KCNQ2: variants seen among roughly 807,000 people sequenced by gnomAD.
KCNQ2 encodes the protein potassium voltage-gated channel subfamily KQT member 2.
A neutral mutation model predicts 84.8 loss-of-function variants in KCNQ2; 14 were observed. That is an observed-to-expected ratio of 0.17 (90% CI 0.11 to 0.26). The LOEUF (loss-of-function observed/expected upper bound fraction) is 0.26, where lower values mean the gene tolerates loss of function less well. KCNQ2 is among the 10% of genes least tolerant of loss of function. KCNQ2 has a pLI of 1.00. For synonymous variants in KCNQ2, 599 were observed against 554.1 expected (o/e 1.08, Z -1.14); for missense variants, 788 against 1,254.0 (o/e 0.63, Z 5.61).
intron 4 of KCNQ2, among the ~76,000 whole-genome samples, chr20:63,442,958 A>G (rs1217350395): frequency 1.6e-5 from 2 of 126,920 alleles, no homozygotes; most frequent in Admixed American, 7.7e-5. Flanking sequence ...CATCATCACC[A>G]TCACCACCAC....
intron 9 of KCNQ2, among the ~76,000 whole-genome samples, chr20:63,431,109 G>T (rs1031240790): frequency 6.6e-6 from 1 of 152,182 alleles, no homozygotes; most frequent in African/African-American, 2.4e-5. Context: ...ATGGGCCCTG[G>T]GAGGGCAGGG....
chr20:63,441,787 G>A (rs1021987953), intron 5 of KCNQ2, among the ~76,000 whole-genome samples: 1 of 152,238 alleles, frequency 6.6e-6, no homozygotes, highest in African/African-American at 2.4e-5. Context: ...AATAACTTCG[G>A]ATCAGCTGCA....
rs1161412580 is a variant in KCNQ2, at chr20:63,460,561, T to G, written c.296+11607A>C. On this transcript the variant is annotated intron_variant, in intron 1 of 16. Transcript: ENST00000359125. This position sits in a 1 kb window ranked among gnomAD's most constrained non-coding sequence, Gnocchi z 5.4. ...CCCTGGCCCCCTACAAACGTCCTAG[T>G]GAGTGCTCTCTCTCGGCCTCCACTT... Among the ~76,000 whole-genome samples, 2 of 151,902 alleles carry G rather than the reference T, an allele frequency of 1.3e-5. No individual in the cohort carries two copies. The highest frequency in any genetic ancestry group is 4.8e-5 in the African/African-American group (2 of 41,300).
chr20:63,442,937 A>AT (rs2081253276), intron 4 of KCNQ2, among the ~76,000 whole-genome samples: 1 of 111,592 alleles, frequency 9.0e-6, no homozygotes. Flanking sequence ...CACCATCACC[A>AT]CCACCATCAC....
chr20:63,438,446 G>A lies in KCNQ2; in HGVS notation c.1023+179C>T. The A allele has an allele frequency of 4.5e-6, 3 of 664,976 alleles. No homozygotes were observed. The highest frequency in any genetic ancestry group is 8.1e-6 in the Non-Finnish European group (3 of 368,416). The allele number at this position is 664,976 out of a possible 1,614,324, so 41.2% of individuals were successfully genotyped here. On this transcript the variant is annotated intron_variant, in intron 7 of 16. Transcript: ENST00000359125. This position sits in a 1 kb window ranked among gnomAD's most constrained non-coding sequence, Gnocchi z 5.1. Reference sequence around the variant, plus strand: ...CACCCCTGTGCAGCCTCAGGGGTTGGAGCCATTTCTCAACACACACACTTC... The same window carrying A: ...CACCCCTGTGCAGCCTCAGGGGTTGAAGCCATTTCTCAACACACACACTTC...
In KCNQ2 at chr20:63,472,084, C is replaced by A. The variant is rs560358330; in HGVS notation, c.296+84G>T. On this transcript the variant is annotated intron_variant, in intron 1 of 16. Transcript: ENST00000359125. ...CAGGGGCAGGGAGCCAAACCCGCCG[C>A]AGCCAGCCTGGCCGGGGTCGCCGAT... 8.4e-4 allele frequency: 900 copies of A among 1,065,436 alleles called. 2 individuals are homozygous for A. In the East Asian group the frequency reaches 0.011, roughly 13 times the overall value. 66.0% of individuals were successfully genotyped at this position (1,065,436 alleles called of 1,614,324 possible). A position where few individuals can be genotyped will look rare whatever the true frequency, so the allele number is the denominator to read the frequency against.
At chr20:63,455,641 G>A (rs906328091) in intron 1 of KCNQ2, among the ~76,000 whole-genome samples, 38 of 152,200 alleles carry the variant, frequency 2.5e-4, no homozygotes, top group Non-Finnish European at 2.1e-4. Context: ...GGCCAGAGGG[G>A]TGCCCAGTTA....
intron 1 of KCNQ2, among the ~76,000 whole-genome samples, chr20:63,463,071 G>T (rs950006370): frequency 6.6e-6 from 1 of 151,964 alleles, no homozygotes; most frequent in Admixed American, 6.6e-5. Context: ...GTGTGTGTGT[G>T]TGTGTGTGTG....
At chr20:63,455,060 G>A (rs2081738647) in intron 1 of KCNQ2, among the ~76,000 whole-genome samples, 1 of 152,214 alleles carries the variant, frequency 6.6e-6, no homozygotes, top group Admixed American at 6.5e-5. Flanking sequence ...CAAGTCTGCA[G>A]GAAAAGAAAG....
At chr20:63,466,142 A>G (rs2082075726) in intron 1 of KCNQ2, among the ~76,000 whole-genome samples, 2 of 152,182 alleles carry the variant, frequency 1.3e-5, no homozygotes, top group Admixed American at 1.3e-4. Context: ...ACAGGAAGAC[A>G]ATCCCCCAAA....
At chr20:63,465,851 G>A (rs1404251550) in intron 1 of KCNQ2, among the ~76,000 whole-genome samples, 5 of 152,226 alleles carry the variant, frequency 3.3e-5, no homozygotes, top group Admixed American at 2.0e-4. Context: ...CGCGTTCCGG[G>A]CACCGCCGTT....
At chr20:63,465,970 C>T (rs528801025) in intron 1 of KCNQ2, among the ~76,000 whole-genome samples, 1 of 152,344 alleles carries the variant, frequency 6.6e-6, no homozygotes, top group South Asian at 2.1e-4. Flanking sequence ...GGCGGGTTCT[C>T]TGGCGCGGTC....
At position 63,433,756 on chromosome 20, in the gene KCNQ2, T is replaced by C. The variant is rs780492963; in HGVS notation, c.1118+53A>G. 7 of 1,612,928 alleles carry C rather than the reference T, an allele frequency of 4.3e-6. No individual in the cohort carries two copies. The highest frequency in any genetic ancestry group is 5.9e-6 in the Non-Finnish European group (7 of 1,179,490). On this transcript the variant is annotated intron_variant, in intron 8 of 16. Transcript: ENST00000359125. ...ACAAAAAGTGGGGTTTAAGAACAAATGGAAAATAAAAAATGAAACAGTTGC... is the reference window on the plus strand; with the variant it reads ...ACAAAAAGTGGGGTTTAAGAACAAACGGAAAATAAAAAATGAAACAGTTGC...
chr20:63,426,874 C>A (rs2080649590), intron 10 of KCNQ2, among the ~76,000 whole-genome samples: 1 of 152,202 alleles, frequency 6.6e-6, no homozygotes, highest in South Asian at 2.1e-4. Flanking sequence ...ATACTCACGT[C>A]CAAAATCTCA....
Position 63,428,439 on chromosome 20 carries a change from G to C in KCNQ2, c.1149-4C>G. 6.3e-7 allele frequency: 1 copy of C among 1,586,842 alleles called. No homozygotes were observed. The highest frequency in any genetic ancestry group is 8.6e-7 in the Non-Finnish European group (1 of 1,166,848). On this transcript the variant is annotated splice_polypyrimidine_tract_variant and splice_region_variant and intron_variant, in intron 9 of 16. Transcript: ENST00000359125. ...CTGGTTCAGCGGGGGGATAAGTCTG[G>C]GGCAAGAGAAGGAGAGGGGAGTGAG...
At chr20:63,465,269 C>T (rs946861358) in intron 1 of KCNQ2, among the ~76,000 whole-genome samples, 1 of 152,266 alleles carries the variant, frequency 6.6e-6, no homozygotes, top group African/African-American at 2.4e-5. Context: ...AGACTCCAGA[C>T]CAACCTATTT....
At chr20:63,412,955 A>G (rs1004914651) in intron 15 of KCNQ2, among the ~76,000 whole-genome samples, 15 of 152,188 alleles carry the variant, frequency 9.9e-5, no homozygotes, top group African/African-American at 3.6e-4. Context: ...AGGTAGAAGA[A>G]AAGGTGCCAA....
At chr20:63,424,342 G>A (rs1288191712) in intron 10 of KCNQ2, 136 bp from the exon 11 acceptor site, 9 of 1,064,732 alleles carry the variant, frequency 8.5e-6, no homozygotes, top group African/African-American at 1.6e-5. Context: ...CTGGGCAGGG[G>A]TGGAGCTGGC....
intron 10 of KCNQ2, among the ~76,000 whole-genome samples, chr20:63,424,868 C>A (rs995732319): frequency 6.6e-6 from 1 of 152,236 alleles, no homozygotes; most frequent in East Asian, 1.9e-4. Flanking sequence ...GAGGCCCCAG[C>A]GATCTCATTC....
Sources: gnomAD v4.1 joint callset for allele counts (sites outside exome capture counted in the v4.1 genomes callset) on GRCh38, gnomAD v4.1.1 for gene constraint, Gnocchi (gnomAD v3.1) non-coding constraint, MANE v1.5 for transcripts, NCBI Gene and HGNC (gene_info 2026-07-23, HGNC 2026-07-21) for gene names.